Variants in CACNA1B observed in about 807,000 individuals in gnomAD.
The protein encoded by CACNA1B is voltage-dependent N-type calcium channel subunit alpha-1B.
Under a neutral mutation model 247.2 loss-of-function variants are expected in CACNA1B, and 70 were observed. The ratio of observed to expected loss-of-function variants is 0.28; its 90% CI spans 0.23 to 0.35. CACNA1B has a LOEUF of 0.35. CACNA1B is among the 10% of genes least tolerant of loss of function. CACNA1B has a pLI of 1.00. For synonymous variants in CACNA1B, 1,231 were observed against 1,294.4 expected, an observed-to-expected ratio of 0.95 and a Z score of 1.05; for missense variants, 2,367 against 3,197.4, an observed-to-expected ratio of 0.74 and a Z score of 6.26.
At chr9:137,941,930 T>G (rs1957736591) in intron 6 of CACNA1B, among the ~76,000 whole-genome samples, 2 of 152,192 alleles carry the variant, frequency 1.3e-5, no homozygotes, top group Admixed American at 1.3e-4. Flanking sequence ...AAGGACTTCA[T>G]GACCAAGAAC....
At chr9:137,987,569 C>G (rs1958380964) in intron 15 of CACNA1B, among the ~76,000 whole-genome samples, 1 of 152,172 alleles carries the variant, frequency 6.6e-6, no homozygotes, top group Non-Finnish European at 1.5e-5. Context: ...CTTACGGAGG[C>G]CCAACAGGCT....
In CACNA1B at chr9:137,891,991, A is replaced by G. The variant is rs2133243247; in HGVS notation, c.530+9108A>G. The G allele has an allele frequency of 2.2e-6, 1 of 454,266 alleles. No individual in the cohort carries two copies. Among genetic ancestry groups the G allele is most frequent in the East Asian group, 7.0e-5 (1 of 14,362 alleles). The allele number at this position is 454,266 out of a possible 1,614,324, so 28.1% of individuals were successfully genotyped here. A position where few individuals can be genotyped will look rare whatever the true frequency, so the allele number is the denominator to read the frequency against. ...CCTGAGAGCACAGGAGCCTGGTGAA[A>G]AGGGCCTTGCGCCTTGGTCCTCCTC... is the stretch of plus-strand genomic sequence containing the variant. On this transcript the variant is annotated intron_variant, in intron 3 of 46. Transcript: ENST00000371372. This position sits in a 1 kb window ranked among gnomAD's most constrained non-coding sequence, Gnocchi z 4.3.
intron 11 of CACNA1B, 25 bp from the exon 12 acceptor site, chr9:137,975,882 C>A: frequency 4.2e-6 from 6 of 1,438,726 alleles, no homozygotes; most frequent in East Asian, 2.3e-5. Flanking sequence ...TCGAGCTAAT[C>A]CCCCTCTTCT....
At chr9:138,017,275 A>G (rs1458966112) in intron 18 of CACNA1B, 1 of 500,002 alleles carries the variant, frequency 2.0e-6, no homozygotes, top group Non-Finnish European at 4.0e-6. Context: ...TTCCACTCCT[A>G]ACTCTGCTAT....
rs1317003100 is a variant in CACNA1B, at chr9:137,888,555, G to A, written c.530+5672G>A. 7.2e-5 allele frequency among the ~76,000 whole-genome samples: 11 copies of A among 152,198 alleles called. No individual in the cohort carries two copies. Among genetic ancestry groups the A allele is most frequent in the Non-Finnish European group, 1.5e-4 (10 of 68,026 alleles). ...TCCTGGCTCAGGCAGGTGGCTCTCC[G>A]GGGGAGCTTTCCAACCACGGCTTCT... On this transcript the variant is annotated intron_variant, in intron 3 of 46. Transcript: ENST00000371372. The surrounding 1 kb of genome is among the most constrained non-coding windows in gnomAD (Gnocchi z 4.7).
rs562331909 is a variant in CACNA1B, at chr9:137,950,345, C to T, written c.967-1929C>T. On this transcript the variant is annotated intron_variant, in intron 6 of 46. Transcript: ENST00000371372. This position sits in a 1 kb window ranked among gnomAD's most constrained non-coding sequence, Gnocchi z 4.8. The stretch of plus-strand genomic sequence containing the variant: ...TGCACAAGGCCCTTCTGATAGCTCC[C>T]TAGCTGCAGGGGGTGCCCCTACTGC... Among the ~76,000 whole-genome samples, 5 of 152,324 alleles carry T rather than the reference C, an allele frequency of 3.3e-5. No homozygotes were observed. The East Asian group carries it at 5.8e-4, about 18-fold the overall frequency.
intron 16 of CACNA1B, among the ~76,000 whole-genome samples, chr9:138,009,764 G>C (rs1037852445): frequency 3.9e-5 from 6 of 152,220 alleles, no homozygotes; most frequent in African/African-American, 1.4e-4. Context: ...GGCATTAGGG[G>C]AGGCTGGGTG....
In CACNA1B at chr9:138,000,253, T is replaced by C. The variant is rs539115133; in HGVS notation, c.1975-6514T>C. Among the ~76,000 whole-genome samples the C allele has an allele frequency of 8.9e-3, 1,357 of 151,892 alleles. 11 individuals carry two copies. The highest frequency in any genetic ancestry group is 0.017 in the African/African-American group (696 of 41,384). On this transcript the variant is annotated intron_variant, in intron 15 of 46. Transcript: ENST00000371372. ...GGCTGGGACTACAGGCGCCCGCCAC[T>C]ACGCCCGGCTAATTTTTTGTATTTT...
Position 138,012,384 on chromosome 9 carries a change from G to T in CACNA1B, c.2161-745G>T, listed in dbSNP as rs1366171780. Among the ~76,000 whole-genome samples the T allele has an allele frequency of 1.8e-4, 28 of 152,038 alleles. No homozygotes were observed. The highest frequency in any genetic ancestry group is 1.8e-3 in the Admixed American group (28 of 15,266). On this transcript the variant is annotated intron_variant, in intron 17 of 46. Coordinates refer to ENST00000371372, the MANE Select transcript of CACNA1B (RefSeq NM_000718.4). This position sits in a 1 kb window ranked among gnomAD's most constrained non-coding sequence, Gnocchi z 4.2. Reference sequence around the variant, plus strand: ...TAAAGTGTGACAGATGCTCCTGGGGGGACAGGTGGGACAAAAGGAGGGACA... The same window carrying T: ...TAAAGTGTGACAGATGCTCCTGGGGTGACAGGTGGGACAAAAGGAGGGACA...
intron 36 of CACNA1B, 45 bp downstream of exon 36, chr9:138,078,303 C>A: frequency 6.3e-7 from 1 of 1,592,662 alleles, no homozygotes; most frequent in Non-Finnish European, 8.6e-7. Context: ...CGTCTTGTCT[C>A]GGTACAGCTC....
chr9:138,032,956 C>T (rs1959003481), intron 20 of CACNA1B, among the ~76,000 whole-genome samples: 1 of 152,120 alleles, frequency 6.6e-6, no homozygotes, highest in Non-Finnish European at 1.5e-5. Flanking sequence ...TCCTTTATGT[C>T]TTTAAATACT....
In CACNA1B at chr9:138,114,773, T is replaced by C. The variant is rs139682896; in HGVS notation, c.5649+283T>C. ...GGGCTGGGCAGTGTCATGGTTGTTA[T>C]GGGGTGGAAGAGAAGAAGATGTGAA... On this transcript the variant is annotated intron_variant, in intron 41 of 46. Transcript: ENST00000371372. 1.6e-3 allele frequency among the ~76,000 whole-genome samples: 247 copies of C among 152,216 alleles called. 1 individual carries two copies. The Middle Eastern group carries it at 0.017, about 10-fold the overall frequency.
At position 138,023,582 on chromosome 9, in the gene CACNA1B, T is replaced by C. The variant is rs944712368; in HGVS notation, c.2839T>C (p.Cys947Arg). 2.8e-6 allele frequency: 3 copies of C among 1,075,208 alleles called. No homozygotes were observed. Among genetic ancestry groups the C allele is most frequent in the Non-Finnish European group, 3.4e-6 (3 of 886,010 alleles). 66.6% of individuals were successfully genotyped at this position (1,075,208 alleles called of 1,614,324 possible). ...CCGGCACCAGGATCCGAGCAAGGAG[T>C]GCGCCGGCGCCAAGGGCGAGCGGCG... ...AHRHQDPSKE[C>R]AGAKGERRAR... is the part of the protein sequence containing the mutation. The change falls in exon 19 of 47, where the codon TGC becomes CGC. Residue 947 changes from cysteine to arginine, a missense_variant. Cys to Arg is a radical substitution (Grantham distance 180, BLOSUM62 -3). Transcript: ENST00000371372.
Position 137,950,784 on chromosome 9 carries a change from G to C in CACNA1B, c.967-1490G>C, listed in dbSNP as rs1957869095. On this transcript the variant is annotated intron_variant, in intron 6 of 46. Transcript: ENST00000371372. The surrounding 1 kb of genome is among the most constrained non-coding windows in gnomAD (Gnocchi z 4.8). ...CCCCAGAAACACACCTTATATCCTG[G>C]GGTCCTAGCTAGTCTGCTCTATTTT... 6.6e-6 allele frequency among the ~76,000 whole-genome samples: 1 copy of C among 152,166 alleles called. No homozygotes were observed. Among genetic ancestry groups the C allele is most frequent in the East Asian group, 1.9e-4 (1 of 5,194 alleles).
At chr9:138,009,676 T>C (rs1315649297) in intron 16 of CACNA1B, among the ~76,000 whole-genome samples, 1 of 152,150 alleles carries the variant, frequency 6.6e-6, no homozygotes, top group Non-Finnish European at 1.5e-5. Flanking sequence ...CAGAGGCAGA[T>C]GGCTCCAGCA....
intron 6 of CACNA1B, among the ~76,000 whole-genome samples, chr9:137,939,766 G>T (rs934364021): frequency 7.9e-5 from 12 of 151,530 alleles, no homozygotes; most frequent in Non-Finnish European, 5.9e-5. Context: ...TCACGCCACT[G>T]CACTCTAGCC....
rs550043726 is a variant in CACNA1B, at chr9:137,952,110, C to T, written c.967-164C>T. Among the ~76,000 whole-genome samples, 1 of 152,274 alleles carries T rather than the reference C, an allele frequency of 6.6e-6. No individual in the cohort carries two copies. The highest frequency in any genetic ancestry group is 2.1e-4 in the South Asian group (1 of 4,818). On this transcript the variant is annotated intron_variant, in intron 6 of 46. Coordinates refer to ENST00000371372, the MANE Select transcript of CACNA1B (RefSeq NM_000718.4). This position sits in a 1 kb window ranked among gnomAD's most constrained non-coding sequence, Gnocchi z 4.8. ...CGTCTGCCTGTGGGTGCTGCCTGGA[C>T]TCCAGCCCCATGCTTGGACCTCCCT...
intron 39 of CACNA1B, among the ~76,000 whole-genome samples, chr9:138,106,540 T>C (rs1961434270): frequency 6.6e-6 from 1 of 152,114 alleles, no homozygotes; most frequent in Admixed American, 6.6e-5. Context: ...GAGGCCGAGG[T>C]GGGCGGATCA....
intron 42 of CACNA1B, among the ~76,000 whole-genome samples, chr9:138,116,477 A>G (rs1192762057): frequency 1.3e-5 from 2 of 152,042 alleles, no homozygotes; most frequent in African/African-American, 4.8e-5. Flanking sequence ...CCCCATTCCC[A>G]CACTGCTTTC....
Sources: gnomAD v4.1 joint callset for allele counts (sites outside exome capture counted in the v4.1 genomes callset) on GRCh38, gnomAD v4.1.1 for gene constraint, Gnocchi (gnomAD v3.1) non-coding constraint, MANE v1.5 for transcripts, NCBI Gene and HGNC (gene_info 2026-07-23, HGNC 2026-07-21) for gene names.